DPP10: variants seen among roughly 807,000 people sequenced by gnomAD.
The protein encoded by DPP10 is dipeptidyl peptidase like 10.
A neutral mutation model predicts 120.9 loss-of-function variants in DPP10; 33 were observed. The observed-to-expected ratio is 0.27, with a 90% CI of 0.21 to 0.37. DPP10 has a LOEUF of 0.37. Among genes scored for constraint, DPP10 ranks in the 10% least tolerant of loss-of-function variants. The probability of loss-of-function intolerance (pLI) is 1.00; values close to 1 mark genes in which losing one functional copy is unlikely to be tolerated. For synonymous variants in DPP10, 337 were observed against 326.1 expected (o/e 1.03, Z -0.36); for missense variants, 816 against 942.8 (o/e 0.87, Z 1.76).
At chr2:114,944,800 T>G (rs1697225291) in intron 1 of DPP10, among the ~76,000 whole-genome samples, 1 of 152,182 alleles carries the variant, frequency 6.6e-6, no homozygotes, top group South Asian at 2.1e-4. Context: ...TTTTTTTTGT[T>G]AGACTTGATT....
rs748891458 is a variant in DPP10, at chr2:114,663,640, G to GATAT, written c.60+220828_60+220831dup. On this transcript the variant is annotated intron_variant, in intron 1 of 25. Transcript: ENST00000410059. ...ATATATGTCTATATATACATGTACA[G>GATAT]ATATATATATATATATATATATATA... Among the ~76,000 whole-genome samples the GATAT allele has an allele frequency of 1.7e-3, 182 of 107,826 alleles. 2 individuals carry two copies. Among genetic ancestry groups the GATAT allele is most frequent in the Non-Finnish European group, 1.8e-3 (107 of 59,832 alleles). The allele number at this position is 107,826 out of a possible 152,430, so 70.7% of individuals were successfully genotyped here. A position where few individuals can be genotyped will look rare whatever the true frequency, so the allele number is the denominator to read the frequency against.
intron 1 of DPP10, among the ~76,000 whole-genome samples, chr2:114,916,042 G>A (rs1035502777): frequency 1.3e-5 from 2 of 151,462 alleles, no homozygotes; most frequent in African/African-American, 4.9e-5. Context: ...TAAAAAAAAA[G>A]TTGATGTTGT....
intron 1 of DPP10, among the ~76,000 whole-genome samples, chr2:114,505,932 C>G (rs1683616297): frequency 6.6e-6 from 1 of 152,216 alleles, no homozygotes; most frequent in East Asian, 1.9e-4. Flanking sequence ...GAAATGATTT[C>G]TATGCCTCAT....
chr2:115,133,777 C>T (rs1331077711), intron 1 of DPP10, among the ~76,000 whole-genome samples: 2 of 152,146 alleles, frequency 1.3e-5, no homozygotes, highest in East Asian at 1.9e-4. Context: ...ATGAGCTAAA[C>T]TGCTTATCTA....
At chr2:114,966,956 C>T (rs1439084828) in intron 1 of DPP10, among the ~76,000 whole-genome samples, 4 of 152,026 alleles carry the variant, frequency 2.6e-5, no homozygotes, top group African/African-American at 4.8e-5. Flanking sequence ...GCAGGAGAAT[C>T]GCTTGAACTC....
chr2:114,957,228 T>TAA (rs1453123455), intron 1 of DPP10, among the ~76,000 whole-genome samples: 1 of 151,668 alleles, frequency 6.6e-6, no homozygotes, highest in Non-Finnish European at 1.5e-5. Context: ...AACAACTCAA[T>TAA]AACAAGAAAA....
At chr2:115,225,935 C>A (rs2057413313) in intron 1 of DPP10, among the ~76,000 whole-genome samples, 1 of 152,008 alleles carries the variant, frequency 6.6e-6, no homozygotes, top group Non-Finnish European at 1.5e-5. Context: ...CACTGTTTAC[C>A]CCACTCAGTT....
intron 1 of DPP10, among the ~76,000 whole-genome samples, chr2:114,573,555 A>G (rs1286478471): frequency 6.6e-6 from 1 of 152,250 alleles, no homozygotes; most frequent in Admixed American, 6.5e-5. Flanking sequence ...ACGACGAAGC[A>G]GAAGATAATC....
intron 1 of DPP10, among the ~76,000 whole-genome samples, chr2:115,017,968 G>A (rs765926009): frequency 1.5e-4 from 22 of 151,526 alleles, no homozygotes; most frequent in African/African-American, 4.4e-4. Context: ...AAACCTGCAC[G>A]TTGCGCACAT....
intron 3 of DPP10, chr2:115,468,923 C>T (rs573654858): frequency 6.5e-5 from 24 of 368,218 alleles, no homozygotes; most frequent in South Asian, 2.1e-4. Context: ...TAGGAACAAC[C>T]GCTGAGTGGT....
At chr2:115,478,823 G>T (rs1335164599) in intron 3 of DPP10, among the ~76,000 whole-genome samples, 2 of 152,046 alleles carry the variant, frequency 1.3e-5, no homozygotes, top group African/African-American at 4.8e-5. Flanking sequence ...CTAATCATTA[G>T]GAAAATGCAA....
intron 5 of DPP10, among the ~76,000 whole-genome samples, chr2:115,631,194 T>G (rs2085840217): frequency 6.6e-6 from 1 of 152,156 alleles, no homozygotes. Flanking sequence ...TTATAGATTT[T>G]ATAGTTTATT....
At chr2:115,228,233 C>T (rs557598018) in intron 1 of DPP10, among the ~76,000 whole-genome samples, 81 of 151,934 alleles carry the variant, frequency 5.3e-4, no homozygotes, top group Non-Finnish European at 1.1e-3. Context: ...AGGTGTGAGC[C>T]ACTGCACCCG....
chr2:115,068,309 C>G (rs1392122755), intron 1 of DPP10, among the ~76,000 whole-genome samples: 1 of 151,704 alleles, frequency 6.6e-6, no homozygotes, highest in East Asian at 1.9e-4. Flanking sequence ...TTGCATTTCC[C>G]TGATGATTAG....
At chr2:114,714,827 CT>C (rs1701252836) in intron 1 of DPP10, among the ~76,000 whole-genome samples, 1 of 151,936 alleles carries the variant, frequency 6.6e-6, no homozygotes, top group Non-Finnish European at 1.5e-5. Flanking sequence ...AAGTATCAGA[CT>C]TTTCCACATC....
intron 1 of DPP10, among the ~76,000 whole-genome samples, chr2:114,628,565 G>T (rs1333872050): frequency 6.6e-6 from 1 of 152,100 alleles, no homozygotes; most frequent in Non-Finnish European, 1.5e-5. Context: ...TGGGTCTTTT[G>T]CCAACCTTAA....
At chr2:115,465,958 G>T (rs959284495) in intron 3 of DPP10, among the ~76,000 whole-genome samples, 2 of 152,086 alleles carry the variant, frequency 1.3e-5, no homozygotes, top group African/African-American at 2.4e-5. Context: ...ATAATAATTT[G>T]CCTTTTTAAA....
intron 1 of DPP10, among the ~76,000 whole-genome samples, chr2:114,927,986 C>T (rs1004059847): frequency 6.6e-6 from 1 of 152,160 alleles, no homozygotes; most frequent in African/African-American, 2.4e-5. Context: ...CACCAACCCT[C>T]CCCACCAGGG....
At chr2:114,463,774 G>C (rs12468131) in intron 1 of DPP10, among the ~76,000 whole-genome samples, 4,134 of 152,248 alleles carry the variant, frequency 0.027, 339 homozygotes, top group East Asian at 0.21. Context: ...CACCCTAAAA[G>C]AATCTCCTGT....
Sources: gnomAD v4.1 joint callset for allele counts (sites outside exome capture counted in the v4.1 genomes callset) on GRCh38, gnomAD v4.1.1 for gene constraint, MANE v1.5 for transcripts, NCBI Gene and HGNC (gene_info 2026-07-23, HGNC 2026-07-21) for gene names.